Variants in PTPRD observed in about 807,000 individuals in gnomAD.
PTPRD encodes protein tyrosine phosphatase receptor type D.
In PTPRD, 34 loss-of-function variants were observed where a neutral mutation model predicts 214.5. The ratio of observed to expected loss-of-function variants is 0.16; its 90% CI spans 0.12 to 0.21. The LOEUF (loss-of-function observed/expected upper bound fraction) is 0.21, where lower values mean the gene tolerates loss of function less well. Ranked by LOEUF, PTPRD falls within the 10% of genes least tolerant of loss-of-function variation. The pLI is 1.00. For missense variants in PTPRD, 2,545 were observed against 2,398.7 expected (o/e 1.06, Z -1.27); for synonymous variants, 1,128 against 845.7 (o/e 1.33, Z -5.79).
intron 31 of PTPRD, 22 bp downstream of exon 31, chr9:8,470,973 T>C (rs1311238743): frequency 1.1e-5 from 17 of 1,592,666 alleles, no homozygotes; most frequent in Non-Finnish European, 1.4e-5. Context: ...ATAAAAGACA[T>C]GGCCAACAAT....
chr9:8,755,612 T>C (rs1254392305), intron 11 of PTPRD, among the ~76,000 whole-genome samples: 1 of 151,918 alleles, frequency 6.6e-6, no homozygotes, highest in African/African-American at 2.4e-5. Context: ...AATTGTGGCA[T>C]ATTCATAAAA....
chr9:8,539,100 G>A (rs1039728401), intron 14 of PTPRD, among the ~76,000 whole-genome samples: 1 of 151,846 alleles, frequency 6.6e-6, no homozygotes, highest in Non-Finnish European at 1.5e-5. Flanking sequence ...ACTTGAACAC[G>A]AAAATTAAAA....
In PTPRD at chr9:9,086,684, C is replaced by T. The variant is rs539817250; in HGVS notation, c.-142-67949G>A. ...ACATCAGGATGCCATTCCCTTGGTC[C>T]CAGCTGAAGTGACTAACAATGGACA... On this transcript the variant is annotated intron_variant, in intron 10 of 45. Coordinates refer to ENST00000381196, the MANE Select transcript of PTPRD (RefSeq NM_002839.4). Among the ~76,000 whole-genome samples the T allele has an allele frequency of 2.6e-5, 4 of 152,138 alleles. No homozygotes were observed. The South Asian group carries it at 8.3e-4, about 32-fold the overall frequency.
chr9:9,838,535 T>C (rs1218569480), intron 5 of PTPRD, among the ~76,000 whole-genome samples: 4 of 152,180 alleles, frequency 2.6e-5, no homozygotes, highest in East Asian at 3.8e-4. Flanking sequence ...GTGAGCATTT[T>C]TTCATGTGTT....
At chr9:9,542,903 T>A (rs543407264) in intron 8 of PTPRD, among the ~76,000 whole-genome samples, 17 of 151,842 alleles carry the variant, frequency 1.1e-4, no homozygotes, top group African/African-American at 4.1e-4. Flanking sequence ...TTTAGAGAAC[T>A]GCTTGCCACT....
At chr9:10,396,541 C>T (rs34852502) in intron 2 of PTPRD, among the ~76,000 whole-genome samples, 88,825 of 151,868 alleles carry the variant, frequency 0.58, 27,588 homozygotes, top group Non-Finnish European at 0.71. Flanking sequence ...AGCTTTAATC[C>T]TATTAATCCC....
chr9:9,466,517 C>G (rs2094168866), intron 8 of PTPRD, among the ~76,000 whole-genome samples: 1 of 152,042 alleles, frequency 6.6e-6, no homozygotes, highest in African/African-American at 2.4e-5. Flanking sequence ...AAGGAACTCG[C>G]TGATGAATTA....
chr9:9,085,820 G>T (rs888257831), intron 10 of PTPRD, among the ~76,000 whole-genome samples: 1 of 152,076 alleles, frequency 6.6e-6, no homozygotes, highest in Non-Finnish European at 1.5e-5. Flanking sequence ...ACCTTTCCAA[G>T]CTCTATATTA....
Position 8,652,391 on chromosome 9 carries a change from G to T in PTPRD, c.65-15547C>A, listed in dbSNP as rs141862830. ...AAATCAACCAATAATTACTGCCCTG[G>T]CACACGGCTATTGTTCACAGCATAA... On this transcript the variant is annotated intron_variant, in intron 12 of 45. Transcript: ENST00000381196. Among the ~76,000 whole-genome samples, 419 of 152,270 alleles carry T rather than the reference G, an allele frequency of 2.8e-3. 3 individuals carry two copies. The highest frequency in any genetic ancestry group is 9.8e-3 in the African/African-American group (406 of 41,554).
At chr9:8,569,498 G>C (rs965500247) in intron 14 of PTPRD, among the ~76,000 whole-genome samples, 5 of 151,956 alleles carry the variant, frequency 3.3e-5, no homozygotes, top group African/African-American at 9.7e-5. Flanking sequence ...AAAAACTGGA[G>C]AAAAAATTGG....
chr9:8,809,073 G>T (rs764915232), intron 11 of PTPRD, among the ~76,000 whole-genome samples: 11 of 152,086 alleles, frequency 7.2e-5, no homozygotes, highest in Non-Finnish European at 1.6e-4. Context: ...GGTTTTCAAG[G>T]TCACCAAGCT....
At chr9:9,591,531 C>T (rs535598038) in intron 7 of PTPRD, among the ~76,000 whole-genome samples, 2 of 152,132 alleles carry the variant, frequency 1.3e-5, no homozygotes, top group East Asian at 1.9e-4. Context: ...AGAACTATGA[C>T]ATAGTAAACG....
chr9:8,767,363 C>T (rs939984446), intron 11 of PTPRD, among the ~76,000 whole-genome samples: 7 of 152,186 alleles, frequency 4.6e-5, no homozygotes, highest in Middle Eastern at 3.4e-3. Context: ...GTGATCCACC[C>T]GCCTTGGCCT....
intron 12 of PTPRD, among the ~76,000 whole-genome samples, chr9:8,662,366 A>G (rs975122236): frequency 6.6e-6 from 1 of 152,200 alleles, no homozygotes; most frequent in African/African-American, 2.4e-5. Flanking sequence ...TGACAAGAGA[A>G]TGCTTGAGGA....
At chr9:9,450,950 TAC>T (rs145703989) in intron 8 of PTPRD, among the ~76,000 whole-genome samples, 4,469 of 136,614 alleles carry the variant, frequency 0.033, 90 homozygotes, top group African/African-American at 0.06. Context: ...CATACATACA[TAC>T]ACACACACAC....
At chr9:8,713,776 C>A in intron 12 of PTPRD, 1 of 1,539,740 alleles carries the variant, frequency 6.5e-7, no homozygotes, top group Non-Finnish European at 8.8e-7. Context: ...CCCGCTGCCC[C>A]ACCGGGTCCT....
chr9:8,951,921 C>T lies in PTPRD; in HGVS notation c.-104+66776G>A, dbSNP rs541988868. 2.6e-5 allele frequency among the ~76,000 whole-genome samples: 4 copies of T among 152,156 alleles called. No homozygotes were observed. The South Asian group carries it at 8.3e-4, about 31-fold the overall frequency. ...CACACTTGAAATGAATTCCAAAGAA[C>T]TTACTATGGTGTACAATGCTGCTTC... is the stretch of plus-strand genomic sequence containing the variant. On this transcript the variant is annotated intron_variant, in intron 11 of 45. Transcript: ENST00000381196.
At chr9:9,836,692 C>T (rs574381423) in intron 5 of PTPRD, among the ~76,000 whole-genome samples, 2 of 152,244 alleles carry the variant, frequency 1.3e-5, no homozygotes, top group South Asian at 2.1e-4. Flanking sequence ...CGTGGGTAAA[C>T]ATCCTGGTTC....
chr9:8,946,307 T>A (rs897292834), intron 11 of PTPRD, among the ~76,000 whole-genome samples: 2 of 152,030 alleles, frequency 1.3e-5, no homozygotes, highest in African/African-American at 4.8e-5. Context: ...TAATCAAAAG[T>A]CTTAAAACGG....
Sources: gnomAD v4.1 joint callset for allele counts (sites outside exome capture counted in the v4.1 genomes callset) on GRCh38, gnomAD v4.1.1 for gene constraint, MANE v1.5 for transcripts, NCBI Gene and HGNC (gene_info 2026-07-23, HGNC 2026-07-21) for gene names.